The following HEMK2 variants were observed in gnomAD, a reference collection of about 807,000 sequenced individuals.
The protein encoded by HEMK2 is HemK methyltransferase 2, ETF1 glutamine and histone H4 lysine.
At chr21:28,706,248 A>G in the HEMK2 span, among the ~76,000 whole-genome samples, 1 of 152,332 alleles carries the variant, frequency 6.6e-6, no homozygotes, top group South Asian at 2.1e-4. Context: ...TTGTTAGTGT[A>G]TATCTTTGAG....
chr21:28,698,519 C>CT, the HEMK2 span, among the ~76,000 whole-genome samples: 18 of 151,834 alleles, frequency 1.2e-4, no homozygotes, highest in Admixed American at 1.1e-3. Context: ...CGGAGAGATT[C>CT]TTTTTTAAAG....
chr21:28,636,317 C>T, the HEMK2 span, among the ~76,000 whole-genome samples: 1 of 152,110 alleles, frequency 6.6e-6, no homozygotes, highest in Non-Finnish European at 1.5e-5. Flanking sequence ...ATGGCCACCC[C>T]ATGTTCTCCA....
At chr21:28,700,803 A>G in the HEMK2 span, among the ~76,000 whole-genome samples, 1 of 148,016 alleles carries the variant, frequency 6.8e-6, no homozygotes, top group Non-Finnish European at 1.5e-5. Flanking sequence ...TGAGGCCAGT[A>G]TCATCCTGAT....
At chr21:28,670,076 T>C in the HEMK2 span, among the ~76,000 whole-genome samples, 3 of 152,118 alleles carry the variant, frequency 2.0e-5, no homozygotes, top group African/African-American at 4.8e-5. Context: ...ATTTAGGTCA[T>C]ATAACAGCAT....
At chr21:28,689,273 T>C in the HEMK2 span, among the ~76,000 whole-genome samples, 1 of 152,210 alleles carries the variant, frequency 6.6e-6, no homozygotes, top group African/African-American at 2.4e-5. Flanking sequence ...AAATTGTAGA[T>C]GTTAAGACAT....
chr21:28,650,107 A>G, the HEMK2 span, among the ~76,000 whole-genome samples: 3 of 152,144 alleles, frequency 2.0e-5, no homozygotes, highest in Admixed American at 2.0e-4. Flanking sequence ...CAGACAAAAA[A>G]CATTGCCAGC....
At chr21:28,713,812 G>A in the HEMK2 span, among the ~76,000 whole-genome samples, 1 of 152,342 alleles carries the variant, frequency 6.6e-6, no homozygotes, top group Admixed American at 6.5e-5. Flanking sequence ...TAAGAAATAA[G>A]TGTGTGAAGA....
At chr21:28,669,654 C>T in the HEMK2 span, among the ~76,000 whole-genome samples, 2 of 152,174 alleles carry the variant, frequency 1.3e-5, no homozygotes, top group African/African-American at 4.8e-5. Context: ...CATTGACCAG[C>T]CTAAGCCCAA....
chr21:28,748,442 G>A, the HEMK2 span, among the ~76,000 whole-genome samples: 29,469 of 152,150 alleles, frequency 0.19, 3,571 homozygotes, highest in African/African-American at 0.34. Flanking sequence ...AACATGGTAG[G>A]TTGGAGTAAG....
the HEMK2 span, among the ~76,000 whole-genome samples, chr21:28,664,046 T>C: frequency 6.6e-6 from 1 of 152,198 alleles, no homozygotes; most frequent in Non-Finnish European, 1.5e-5. Flanking sequence ...TACAGCTCTA[T>C]TACAAAACAA....
the HEMK2 span, among the ~76,000 whole-genome samples, chr21:28,653,021 C>T: frequency 6.6e-6 from 1 of 152,074 alleles, no homozygotes; most frequent in East Asian, 1.9e-4. Flanking sequence ...TGCATTAACC[C>T]TCCCCTTAAT....
At chr21:28,598,574 C>G in the HEMK2 span, among the ~76,000 whole-genome samples, 2 of 152,192 alleles carry the variant, frequency 1.3e-5, no homozygotes, top group African/African-American at 4.8e-5. Flanking sequence ...GCCTCATGCA[C>G]CTTTTCTCTT....
At chr21:28,690,731 G>C in the HEMK2 span, among the ~76,000 whole-genome samples, 1 of 151,940 alleles carries the variant, frequency 6.6e-6, no homozygotes, top group Non-Finnish European at 1.5e-5. Context: ...GCATTGTATA[G>C]TCTTATCATC....
At chr21:28,587,585 T>TC in the HEMK2 span, among the ~76,000 whole-genome samples, 21 of 152,342 alleles carry the variant, frequency 1.4e-4, no homozygotes, top group African/African-American at 4.8e-4. Flanking sequence ...TCCACAAGTT[T>TC]CCAATTGTGG....
At chr21:28,742,130 C>T in the HEMK2 span, among the ~76,000 whole-genome samples, 2 of 152,134 alleles carry the variant, frequency 1.3e-5, no homozygotes, top group Non-Finnish European at 1.5e-5. Context: ...TTGTCTATGG[C>T]TGCTTTCAGG....
the HEMK2 span, among the ~76,000 whole-genome samples, chr21:28,789,796 A>G: frequency 6.6e-6 from 1 of 152,354 alleles, no homozygotes; most frequent in South Asian, 2.1e-4. Flanking sequence ...CAAAGTAGAT[A>G]AGGCCCTGCT....
the HEMK2 span, among the ~76,000 whole-genome samples, chr21:28,841,322 AT>A: frequency 6.1e-5 from 1 of 16,364 alleles, no homozygotes; most frequent in Non-Finnish European, 8.8e-5. Context: ...TATAATATAT[AT>A]TATATATAAA....
At chr21:28,722,255 G>A in the HEMK2 span, among the ~76,000 whole-genome samples, 2 of 151,918 alleles carry the variant, frequency 1.3e-5, no homozygotes, top group Admixed American at 6.6e-5. Context: ...TTTAAAGGGG[G>A]ATTTGGGGAT....
the HEMK2 span, among the ~76,000 whole-genome samples, chr21:28,579,302 G>T: frequency 3.3e-5 from 5 of 152,064 alleles, no homozygotes; most frequent in African/African-American, 1.2e-4. Context: ...GCATTCTTGT[G>T]TGTATGTGTT....
Sources: gnomAD v4.1 joint callset for allele counts (sites outside exome capture counted in the v4.1 genomes callset) on GRCh38, gnomAD v4.1.1 for gene constraint, MANE v1.5 for transcripts, NCBI Gene and HGNC (gene_info 2026-07-23, HGNC 2026-07-21) for gene names.